The following FAF1 variants were observed in gnomAD, a reference collection of about 807,000 sequenced individuals.
FAF1 encodes FAS-associated factor 1.
In FAF1, 25 loss-of-function variants were observed where a neutral mutation model predicts 92.5. That is an observed-to-expected ratio of 0.27 (90% CI 0.20 to 0.38). The LOEUF is 0.38. FAF1 is among the 10% of genes least tolerant of loss of function. FAF1 has a pLI of 1.00. For missense variants in FAF1, 636 were observed against 793.3 expected, an observed-to-expected ratio of 0.80 and a Z score of 2.38; for synonymous variants, 234 against 273.2, an observed-to-expected ratio of 0.86 and a Z score of 1.42.
intron 6 of FAF1, among the ~76,000 whole-genome samples, chr1:50,720,142 C>A (rs945876871): frequency 2.0e-5 from 3 of 152,072 alleles, no homozygotes; most frequent in Non-Finnish European, 4.4e-5. Flanking sequence ...GTTGGGATTA[C>A]AGGCATGCAC....
rs80006792 is a variant in FAF1, at chr1:50,451,758, G to C, written c.1870-10235C>G. On this transcript the variant is annotated intron_variant, in intron 18 of 18. Transcript: ENST00000396153. ...TTAGAGGTCATCTCTGTAGCATATG[G>C]GGACAGAAAAGCCCAGTGAGTGGAA... is the stretch of plus-strand genomic sequence containing the variant. The C allele has an allele frequency of 3.1e-4, 237 of 754,276 alleles. No individual in the cohort carries two copies. In the African/African-American group the frequency reaches 4.2e-3, roughly 13 times the overall value. 46.7% of individuals were successfully genotyped at this position (754,276 alleles called of 1,614,324 possible). A position where few individuals can be genotyped will look rare whatever the true frequency, so the allele number is the denominator to read the frequency against.
chr1:50,533,806 T>C (rs1238133381), intron 15 of FAF1, among the ~76,000 whole-genome samples: 1 of 152,142 alleles, frequency 6.6e-6, no homozygotes, highest in African/African-American at 2.4e-5. Flanking sequence ...AATTAACAAA[T>C]GCTAATATTT....
chr1:50,785,132 C>CAAAAAAAAAAAAAAAAAAAAA (rs748061344), intron 4 of FAF1, among the ~76,000 whole-genome samples: 1 of 59,136 alleles, frequency 1.7e-5, no homozygotes, highest in Non-Finnish European at 3.2e-5. Flanking sequence ...GACCCTATCT[C>CAAAAAAAAAAAAAAAAAAAAA]AAAAAAAAAA....
At chr1:50,559,096 C>T (rs940754391) in intron 13 of FAF1, among the ~76,000 whole-genome samples, 2 of 152,118 alleles carry the variant, frequency 1.3e-5, no homozygotes, top group South Asian at 4.2e-4. Context: ...ACTAAAAATA[C>T]AAAAATTAGC....
intron 8 of FAF1, among the ~76,000 whole-genome samples, chr1:50,601,306 A>G (rs1652115447): frequency 6.6e-6 from 1 of 152,214 alleles, no homozygotes; most frequent in Admixed American, 6.5e-5. Context: ...GTTGTTAGTA[A>G]AACACAGTAT....
chr1:50,835,750 C>T (rs1570027378), intron 2 of FAF1, among the ~76,000 whole-genome samples: 1 of 152,048 alleles, frequency 6.6e-6, no homozygotes, highest in Non-Finnish European at 1.5e-5. Context: ...ACTTGAAAAA[C>T]ATTACTTCTC....
chr1:50,697,078 C>T (rs1657266234), intron 7 of FAF1, among the ~76,000 whole-genome samples: 1 of 152,152 alleles, frequency 6.6e-6, no homozygotes, highest in Non-Finnish European at 1.5e-5. Flanking sequence ...ATGTGAGGTG[C>T]TCTTTCATTT....
At chr1:50,801,085 C>T (rs1281818702) in intron 3 of FAF1, among the ~76,000 whole-genome samples, 2 of 152,230 alleles carry the variant, frequency 1.3e-5, no homozygotes, top group African/African-American at 4.8e-5. Context: ...GTTTTACCTT[C>T]TGGCCATAAC....
At chr1:50,704,939 T>C (rs1343605696) in intron 7 of FAF1, among the ~76,000 whole-genome samples, 1 of 152,214 alleles carries the variant, frequency 6.6e-6, no homozygotes, top group African/African-American at 2.4e-5. Context: ...CAAAATGACA[T>C]TAAGTGATTA....
intron 3 of FAF1, among the ~76,000 whole-genome samples, chr1:50,797,052 A>G (rs1254188595): frequency 6.6e-6 from 1 of 151,324 alleles, no homozygotes; most frequent in African/African-American, 2.4e-5. Context: ...GGGAGGATCA[A>G]TTGAGTCAGG....
intron 1 of FAF1, among the ~76,000 whole-genome samples, chr1:50,940,733 T>C (rs1645125986): frequency 1.3e-5 from 2 of 152,236 alleles, no homozygotes; most frequent in African/African-American, 2.4e-5. Flanking sequence ...AAAATGAAAG[T>C]AATGTACAGG....
chr1:50,537,191 G>T (rs1191363074), intron 14 of FAF1, among the ~76,000 whole-genome samples: 1 of 152,158 alleles, frequency 6.6e-6, no homozygotes, highest in Non-Finnish European at 1.5e-5. Flanking sequence ...GTACTATATG[G>T]AGTACACTGG....
chr1:50,801,954 T>G (rs1662007398), intron 2 of FAF1, among the ~76,000 whole-genome samples: 1 of 152,158 alleles, frequency 6.6e-6, no homozygotes, highest in Admixed American at 6.5e-5. Flanking sequence ...GGCAAAACAC[T>G]CACAGAACCC....
intron 8 of FAF1, among the ~76,000 whole-genome samples, chr1:50,625,303 C>A (rs757837615): frequency 6.6e-6 from 1 of 152,174 alleles, no homozygotes; most frequent in African/African-American, 2.4e-5. Context: ...TTCCTCATTT[C>A]TTCTGGGCAT....
At chr1:50,465,800 G>T (rs1169661117) in intron 18 of FAF1, among the ~76,000 whole-genome samples, 1 of 152,090 alleles carries the variant, frequency 6.6e-6, no homozygotes, top group Non-Finnish European at 1.5e-5. Context: ...GGAAGTGAGA[G>T]CATGAGCACT....
chr1:50,691,945 G>C (rs1263953819), intron 7 of FAF1, among the ~76,000 whole-genome samples: 2 of 152,214 alleles, frequency 1.3e-5, no homozygotes, highest in African/African-American at 4.8e-5. Flanking sequence ...CAGCAGGCCA[G>C]GTGTGGTGGC....
chr1:50,781,156 T>C (rs1290144985), intron 4 of FAF1: 2 of 250,782 alleles, frequency 8.0e-6, no homozygotes, highest in Non-Finnish European at 8.0e-6. Flanking sequence ...CCGGTGAGGG[T>C]CTACCCTGCC....
At chr1:50,478,364 T>C (rs1435199475) in intron 17 of FAF1, among the ~76,000 whole-genome samples, 1 of 152,162 alleles carries the variant, frequency 6.6e-6, no homozygotes, top group African/African-American at 2.4e-5. Context: ...GGCTTTGCCA[T>C]GTTGGCCAGG....
intron 4 of FAF1, among the ~76,000 whole-genome samples, chr1:50,764,270 T>G (rs1660474770): frequency 6.6e-6 from 1 of 152,222 alleles, no homozygotes; most frequent in African/African-American, 2.4e-5. Context: ...CTGTACCCTG[T>G]GTGCGACAAA....
Sources: allele counts gnomAD v4.1 joint callset (sites outside exome capture counted in the v4.1 genomes callset), GRCh38; gene constraint gnomAD v4.1.1; transcripts MANE v1.5; gene names NCBI Gene and HGNC (gene_info 2026-07-23, HGNC 2026-07-21).